KRT72: variants seen among roughly 807,000 people sequenced by gnomAD.
KRT72 encodes keratin 72.
In KRT72, 44 loss-of-function variants were observed where a neutral mutation model predicts 44.7. The ratio of observed to expected loss-of-function variants is 0.98; its 90% CI spans 0.77 to 1.27. The LOEUF (loss-of-function observed/expected upper bound fraction) is 1.27, where lower values mean the gene tolerates loss of function less well. Among genes scored for constraint, KRT72 ranks in the 50% most tolerant of loss-of-function variants. The pLI is 0.00. For missense variants in KRT72, 736 were observed against 667.1 expected (o/e 1.10, Z -1.14); for synonymous variants, 302 against 280.4 (o/e 1.08, Z -0.77).
At chr12:52,599,221 G>A in intron 1 of KRT72, 109 bp from the exon 2 acceptor site, 1 of 996,224 alleles carries the variant, frequency 1.0e-6, no homozygotes, top group Non-Finnish European at 1.6e-6. Context: ...CTGGGGGTAG[G>A]AGAAAACAAG....
rs1449286297 is a variant in KRT72, at chr12:52,585,922, G to A, written c.*60C>T. 3 of 1,453,896 alleles carry A rather than the reference G, an allele frequency of 2.1e-6. No homozygotes were observed. The highest frequency in any genetic ancestry group is 2.3e-4 in the Middle Eastern group (1 of 4,256). The allele number at this position is 1,453,896 out of a possible 1,614,324, so 90.1% of individuals were successfully genotyped here. ...GACTTGGAAAGGGAGCCCAGGGAAGGAGAGGGAGGAGACGGGTGAGTTGGG... is the reference window on the plus strand; with the variant it reads ...GACTTGGAAAGGGAGCCCAGGGAAGAAGAGGGAGGAGACGGGTGAGTTGGG... On this transcript the variant is annotated 3_prime_UTR_variant, in exon 9 of 9. Coordinates refer to ENST00000293745, the MANE Select transcript of KRT72 (RefSeq NM_080747.3).
At chr12:52,598,034 G>T (rs1940278444) in intron 2 of KRT72, among the ~76,000 whole-genome samples, 1 of 152,132 alleles carries the variant, frequency 6.6e-6, no homozygotes, top group South Asian at 2.1e-4. Flanking sequence ...CTCTAGTTGG[G>T]CTCCAGTTCC....
chr12:52,593,612 T>C (rs1940133486), intron 2 of KRT72, among the ~76,000 whole-genome samples: 1 of 152,090 alleles, frequency 6.6e-6, no homozygotes, highest in Non-Finnish European at 1.5e-5. Flanking sequence ...AGAGCATTGG[T>C]AAGAAATAAT....
chr12:52,587,098 G>C, intron 7 of KRT72, 118 bp from the exon 8 acceptor site: 1 of 901,218 alleles, frequency 1.1e-6, no homozygotes. Flanking sequence ...ACCCATCCTA[G>C]CCTCCTTTCT....
At chr12:52,592,672 A>T (rs1388927590) in intron 3 of KRT72, among the ~76,000 whole-genome samples, 181 bp from the exon 4 acceptor site, 1 of 152,234 alleles carries the variant, frequency 6.6e-6, no homozygotes, top group Non-Finnish European at 1.5e-5. Flanking sequence ...TGGCTACACC[A>T]GTAGTGCAGT....
chr12:52,595,269 A>G (rs1208266866), intron 2 of KRT72, among the ~76,000 whole-genome samples: 1 of 152,074 alleles, frequency 6.6e-6, no homozygotes, highest in Admixed American at 6.5e-5. Flanking sequence ...ATTATTTAAA[A>G]ATATATTACA....
chr12:52,593,156 T>C (rs953260131), intron 2 of KRT72, among the ~76,000 whole-genome samples: 8 of 152,322 alleles, frequency 5.3e-5, no homozygotes, highest in Middle Eastern at 3.4e-3. Context: ...TGCCTGTGCA[T>C]TCTGTCTTAA....
intron 2 of KRT72, among the ~76,000 whole-genome samples, chr12:52,593,289 A>T (rs1940118710): frequency 6.6e-6 from 1 of 152,228 alleles, no homozygotes; most frequent in African/African-American, 2.4e-5. Flanking sequence ...CTTCTGGCAC[A>T]TGGCATCTTA....
At position 52,591,446 on chromosome 12, in the gene KRT72, C is replaced by T. The variant is rs776259950; in HGVS notation, c.963+18G>A. ...TAGCTGTGGCCAGTGGGACTCAGCA[C>T]ACCTGGCACCAGCTCACCTTGGTCT... On this transcript the variant is annotated intron_variant, in intron 5 of 8. Transcript: ENST00000293745. 2 of 1,610,480 alleles carry T rather than the reference C, an allele frequency of 1.2e-6. No individual in the cohort carries two copies. The highest frequency in any genetic ancestry group is 1.3e-5 in the African/African-American group (1 of 74,870).
intron 2 of KRT72, among the ~76,000 whole-genome samples, chr12:52,595,730 GT>G (rs1465850587): frequency 6.6e-6 from 1 of 152,168 alleles, no homozygotes; most frequent in Non-Finnish European, 1.5e-5. Flanking sequence ...TACTAACAAT[GT>G]TTTATGTTTC....
intron 2 of KRT72, among the ~76,000 whole-genome samples, chr12:52,597,013 A>G (rs1415111092): frequency 2.6e-5 from 4 of 152,228 alleles, no homozygotes; most frequent in African/African-American, 9.6e-5. Flanking sequence ...AGCAGAGCCC[A>G]TTCATTGGCT....
chr12:52,586,826 C>G (rs575939359), intron 8 of KRT72, 120 bp downstream of exon 8: 3 of 946,064 alleles, frequency 3.2e-6, no homozygotes, highest in South Asian at 2.7e-5. Context: ...CTTCCTTTTT[C>G]CCTTAAGTCT....
At chr12:52,594,056 T>C (rs994571325) in intron 2 of KRT72, among the ~76,000 whole-genome samples, 4 of 152,238 alleles carry the variant, frequency 2.6e-5, no homozygotes, top group African/African-American at 9.6e-5. Context: ...TATTTTACCA[T>C]AGTAAAACTT....
chr12:52,601,023 T>G lies in KRT72; in HGVS notation c.426+4A>C, dbSNP rs1291998532. On this transcript the variant is annotated splice_donor_region_variant and intron_variant, in intron 1 of 8. Coordinates refer to ENST00000293745, the MANE Select transcript of KRT72 (RefSeq NM_080747.3). ...CAGGGACAGGCCAATGCCCGAGGAC[T>G]CACCTTGTCGATGAAGGAGGCGAAC... is the stretch of plus-strand genomic sequence containing the variant. 5.6e-6 allele frequency: 9 copies of G among 1,611,344 alleles called. No homozygotes were observed. In the Admixed American group the frequency reaches 8.4e-5, roughly 15 times the overall value.
At chr12:52,600,063 G>T (rs895949578) in intron 1 of KRT72, among the ~76,000 whole-genome samples, 1 of 152,156 alleles carries the variant, frequency 6.6e-6, no homozygotes. Flanking sequence ...ACTCACTGGG[G>T]TCATTGCCTC....
intron 2 of KRT72, among the ~76,000 whole-genome samples, chr12:52,595,310 G>T (rs1007112333): frequency 6.6e-6 from 1 of 151,860 alleles, no homozygotes; most frequent in African/African-American, 2.4e-5. Flanking sequence ...TCATTAAAAA[G>T]TACATATTGA....
rs751417782 is a variant in KRT72 at position 52,590,813 on chromosome 12, TGG to T, written c.1089+21_1089+22del. On this transcript the variant is annotated intron_variant, in intron 6 of 8. Transcript: ENST00000293745. ...ATTGTGACTCAATAAATACTGTTAG[TGG>T]ATTAATTTCATAGAACCCACCTGCT... The T allele has an allele frequency of 1.7e-5, 27 of 1,558,158 alleles. 1 individual carries two copies. In the Admixed American group the frequency reaches 4.4e-4, roughly 25 times the overall value.
chr12:52,602,509 C>T (rs575174450), upstream of KRT72, among the ~76,000 whole-genome samples: 1 of 152,342 alleles, frequency 6.6e-6, no homozygotes, highest in East Asian at 1.9e-4. Flanking sequence ...CTTCAAGTCT[C>T]CTCCTCTCTT....
chr12:52,586,982 T>A lies in KRT72; in HGVS notation c.1311-2A>T. 1 of 1,613,700 alleles carries A rather than the reference T, an allele frequency of 6.2e-7. No individual in the cohort carries two copies. Among genetic ancestry groups the A allele is most frequent in the African/African-American group, 1.3e-5 (1 of 75,028 alleles). ...GAATTTGGATATTCGCCAGACATCC[T>A]GAAGAAGGAGAAGAAAAACAGGTAA... On this transcript the variant is annotated splice_acceptor_variant, in intron 7 of 8. Transcript: ENST00000293745. LOFTEE classifies it high-confidence loss of function.
Sources: gnomAD v4.1 joint callset for allele counts (sites outside exome capture counted in the v4.1 genomes callset) on GRCh38, gnomAD v4.1.1 for gene constraint, MANE v1.5 for transcripts, NCBI Gene and HGNC (gene_info 2026-07-23, HGNC 2026-07-21) for gene names.